Variants in UNC13C observed in about 807,000 individuals in gnomAD.
The protein encoded by UNC13C is unc-13 homolog C.
In UNC13C, 174 loss-of-function variants were observed where a neutral mutation model predicts 245.4. The observed-to-expected ratio is 0.71, with a 90% CI of 0.63 to 0.80. UNC13C has a LOEUF of 0.80. Ranked by LOEUF, UNC13C falls within the 30% of genes least tolerant of loss-of-function variation. UNC13C has a pLI of 0.00. For missense variants in UNC13C, 2,829 were observed against 2,602.9 expected, an observed-to-expected ratio of 1.09 and a Z score of -1.89; for synonymous variants, 992 against 895.1, an observed-to-expected ratio of 1.11 and a Z score of -1.93.
chr15:54,222,939 A>T (rs2035270697), intron 4 of UNC13C, among the ~76,000 whole-genome samples: 1 of 151,932 alleles, frequency 6.6e-6, no homozygotes, highest in Non-Finnish European at 1.5e-5. Context: ...TAATCAGATT[A>T]TTAGATTTTT....
At chr15:54,560,911 T>C (rs1020418978) in intron 29 of UNC13C, among the ~76,000 whole-genome samples, 3 of 152,024 alleles carry the variant, frequency 2.0e-5, no homozygotes, top group African/African-American at 7.2e-5. Flanking sequence ...TTCACAAATA[T>C]TAAGTTGTCA....
chr15:54,504,950 T>C lies in UNC13C; in HGVS notation c.5302-2167T>C, dbSNP rs368149906. On this transcript the variant is annotated intron_variant, in intron 22 of 32. Transcript: ENST00000260323. ...GCTCCACCAGTACCTGTGTGTCAAATCAGAACTGATTGTAGCTGAAAGATA... is the reference window on the plus strand; with the variant it reads ...GCTCCACCAGTACCTGTGTGTCAAACCAGAACTGATTGTAGCTGAAAGATA... Among the ~76,000 whole-genome samples, 9 of 152,288 alleles carry C rather than the reference T, an allele frequency of 5.9e-5. No homozygotes were observed. In the East Asian group the frequency reaches 1.7e-3, roughly 29 times the overall value.
intron 30 of UNC13C, among the ~76,000 whole-genome samples, chr15:54,568,362 T>C (rs968373785): frequency 2.6e-4 from 40 of 152,298 alleles, no homozygotes; most frequent in Middle Eastern, 3.4e-3. Flanking sequence ...GTAAAATCCC[T>C]GTGCTCTGGG....
At chr15:54,354,842 C>A (rs1485864139) in intron 17 of UNC13C, among the ~76,000 whole-genome samples, 1 of 152,040 alleles carries the variant, frequency 6.6e-6, no homozygotes, top group Non-Finnish European at 1.5e-5. Context: ...AATGTTTGTC[C>A]CCTCTAAAAT....
intron 2 of UNC13C, among the ~76,000 whole-genome samples, chr15:54,051,209 A>T (rs367818838): frequency 6.6e-6 from 1 of 152,126 alleles, no homozygotes; most frequent in South Asian, 2.1e-4. Context: ...AAAGGAATGG[A>T]TCCAACTTTT....
chr15:54,258,584 G>C (rs1470318236), intron 8 of UNC13C, among the ~76,000 whole-genome samples: 1 of 151,976 alleles, frequency 6.6e-6, no homozygotes. Flanking sequence ...GGCCAGGCTG[G>C]TTACGAACTC....
At chr15:54,169,841 C>T (rs948086461) in intron 4 of UNC13C, among the ~76,000 whole-genome samples, 30 of 152,158 alleles carry the variant, frequency 2.0e-4, no homozygotes, top group African/African-American at 6.3e-4. Context: ...CCCCCACCAC[C>T]CACCTGTTCT....
rs1327246747 is a variant in UNC13C, at chr15:54,013,588, G to T, written c.685G>T (p.Gly229Trp). Residue 229 changes from glycine (G) to tryptophan (W), a missense_variant, in exon 2 of 33, where the codon GGG becomes TGG. Gly to Trp is a radical substitution (Grantham distance 184, BLOSUM62 -2). Transcript: ENST00000260323. ...CCCAAAGACAAATGCCCTGGAGCCA[G>T]GGTTCAGTTCCTCTGGCTGCATTAG... Reference protein sequence around the residue: ...RNPKTNALEPGFSSSGCISQT... With the variant: ...RNPKTNALEPWFSSSGCISQT... 6.2e-7 allele frequency: 1 copy of T among 1,613,622 alleles called. No individual in the cohort carries two copies. Among genetic ancestry groups the T allele is most frequent in the African/African-American group, 1.3e-5 (1 of 75,008 alleles).
chr15:54,299,557 A>G (rs922169151), intron 12 of UNC13C, among the ~76,000 whole-genome samples: 1 of 152,136 alleles, frequency 6.6e-6, no homozygotes, highest in African/African-American at 2.4e-5. Context: ...CCTTCTGCAA[A>G]TGGTTTGGTA....
chr15:54,424,634 T>C (rs1417192961), intron 19 of UNC13C, among the ~76,000 whole-genome samples: 1 of 151,888 alleles, frequency 6.6e-6, no homozygotes, highest in East Asian at 1.9e-4. Context: ...AGAATACCTG[T>C]AAATGGTTTG....
At chr15:54,223,166 G>T (rs1246887835) in intron 4 of UNC13C, among the ~76,000 whole-genome samples, 1 of 151,990 alleles carries the variant, frequency 6.6e-6, no homozygotes, top group East Asian at 1.9e-4. Flanking sequence ...AGAAATCTTT[G>T]CCCAGACCAA....
At chr15:54,160,425 A>G (rs980151709) in intron 4 of UNC13C, among the ~76,000 whole-genome samples, 12 of 150,830 alleles carry the variant, frequency 8.0e-5, no homozygotes, top group Non-Finnish European at 1.2e-4. Flanking sequence ...ACAGAAAGCT[A>G]TGACACATGC....
At chr15:53,935,650 C>A in the UNC13C span, among the ~76,000 whole-genome samples, 1 of 152,246 alleles carries the variant, frequency 6.6e-6, no homozygotes, top group Non-Finnish European at 1.5e-5. Context: ...ACTAGGTGGG[C>A]GACTCAACCC....
intron 2 of UNC13C, among the ~76,000 whole-genome samples, chr15:54,030,291 A>G (rs1364728458): frequency 2.6e-5 from 4 of 151,942 alleles, no homozygotes; most frequent in African/African-American, 9.7e-5. Flanking sequence ...AGATCCCTAG[A>G]CCATTAAGCT....
At chr15:54,411,307 C>G (rs1596338870) in intron 18 of UNC13C, among the ~76,000 whole-genome samples, 1 of 151,796 alleles carries the variant, frequency 6.6e-6, no homozygotes, top group African/African-American at 2.4e-5. Context: ...TTTTTGTTTT[C>G]TCAACAGTGT....
chr15:54,181,537 T>C (rs1053851867), intron 4 of UNC13C, among the ~76,000 whole-genome samples: 1 of 151,992 alleles, frequency 6.6e-6, no homozygotes, highest in African/African-American at 2.4e-5. Context: ...GGACCCTTTT[T>C]TGGTTCCATG....
intron 4 of UNC13C, among the ~76,000 whole-genome samples, chr15:54,197,958 T>A (rs532392384): frequency 6.6e-6 from 1 of 152,116 alleles, no homozygotes; most frequent in South Asian, 2.1e-4. Context: ...TGCCTGGAAA[T>A]AGACTCGGTG....
At chr15:54,535,261 C>A (rs1027663482) in intron 26 of UNC13C, among the ~76,000 whole-genome samples, 1 of 151,734 alleles carries the variant, frequency 6.6e-6, no homozygotes, top group Admixed American at 6.6e-5. Context: ...AACAATGATC[C>A]AAAAAAACCC....
chr15:54,587,325 A>T (rs537175952), intron 30 of UNC13C, among the ~76,000 whole-genome samples: 97 of 152,312 alleles, frequency 6.4e-4, no homozygotes, highest in African/African-American at 2.3e-3. Context: ...AAACCCGTGA[A>T]ACATTTATAT....
Sources: gnomAD v4.1 joint callset for allele counts (sites outside exome capture counted in the v4.1 genomes callset) on GRCh38, gnomAD v4.1.1 for gene constraint, MANE v1.5 for transcripts, NCBI Gene and HGNC (gene_info 2026-07-23, HGNC 2026-07-21) for gene names.